Variants in NPAS3 observed in about 807,000 individuals in gnomAD.
NPAS3 encodes the protein neuronal PAS domain-containing protein 3.
In NPAS3, 14 loss-of-function variants were observed where a neutral mutation model predicts 73.1. The ratio of observed to expected loss-of-function variants is 0.19; its 90% CI spans 0.13 to 0.30. The LOEUF (loss-of-function observed/expected upper bound fraction) is 0.30, where lower values mean the gene tolerates loss of function less well. Among genes scored for constraint, NPAS3 ranks in the 10% least tolerant of loss-of-function variants. The probability of loss-of-function intolerance (pLI) is 1.00; values close to 1 mark genes in which losing one functional copy is unlikely to be tolerated. For synonymous variants in NPAS3, 620 were observed against 541.5 expected, an observed-to-expected ratio of 1.14 and a Z score of -2.01; for missense variants, 1,096 against 1,250.0, an observed-to-expected ratio of 0.88 and a Z score of 1.86.
At chr14:33,359,617 C>T (rs1289622946) in intron 3 of NPAS3, among the ~76,000 whole-genome samples, 2 of 152,160 alleles carry the variant, frequency 1.3e-5, no homozygotes, top group Non-Finnish European at 2.9e-5. Context: ...ATCCTTTCCC[C>T]TCTTGAGAGA....
chr14:33,579,981 G>A (rs1302217592), intron 5 of NPAS3, among the ~76,000 whole-genome samples: 8 of 152,098 alleles, frequency 5.3e-5, no homozygotes, highest in Admixed American at 5.2e-4. Context: ...CCAATTTGAA[G>A]TTACATTTAC....
chr14:32,946,344 ACGCG>A (rs1160316544), intron 1 of NPAS3, among the ~76,000 whole-genome samples: 3 of 107,814 alleles, frequency 2.8e-5, no homozygotes, highest in Admixed American at 1.1e-4. Flanking sequence ...ACACACACAC[ACGCG>A]CACACACACA....
chr14:33,440,465 AG>A (rs1421954603), intron 4 of NPAS3, among the ~76,000 whole-genome samples: 1 of 152,252 alleles, frequency 6.6e-6, no homozygotes, highest in Non-Finnish European at 1.5e-5. Context: ...AGTATGATTC[AG>A]GGTAATGCCA....
Position 33,086,413 on chromosome 14 carries a change from A to G in NPAS3, c.140+30419A>G, listed in dbSNP as rs577800740. Among the ~76,000 whole-genome samples, 49 of 152,280 alleles carry G rather than the reference A, an allele frequency of 3.2e-4. No individual in the cohort carries two copies. In the South Asian group the frequency reaches 9.7e-3, roughly 30 times the overall value. On this transcript the variant is annotated intron_variant, in intron 2 of 11. Transcript: ENST00000356141. Reference sequence around the variant, plus strand: ...TATATAAGATTATTTGCTTAATGATATTAGTATTGCAGAGGGACCCCTTGT... The same window carrying G: ...TATATAAGATTATTTGCTTAATGATGTTAGTATTGCAGAGGGACCCCTTGT...
chr14:33,380,890 G>T (rs1050497261), intron 4 of NPAS3, among the ~76,000 whole-genome samples: 2 of 152,054 alleles, frequency 1.3e-5, no homozygotes, highest in African/African-American at 4.8e-5. Flanking sequence ...AATGCCCTCT[G>T]AAGTAATCTA....
chr14:33,262,637 C>T (rs1046965557), intron 3 of NPAS3, among the ~76,000 whole-genome samples: 2 of 152,038 alleles, frequency 1.3e-5, no homozygotes, highest in African/African-American at 2.4e-5. Context: ...GTAGATTCAT[C>T]AACTCAACAA....
intron 3 of NPAS3, among the ~76,000 whole-genome samples, chr14:33,260,553 T>C (rs2048938084): frequency 6.6e-6 from 1 of 152,192 alleles, no homozygotes; most frequent in African/African-American, 2.4e-5. Flanking sequence ...ACTTTTTCAA[T>C]CACCTGGGCT....
At position 33,718,873 on chromosome 14, in the gene NPAS3, G is replaced by T. The variant is rs566938656; in HGVS notation, c.734-16341G>T. ...AGGTACGGTGGCTCACACCTGTAAT[G>T]ACAGCACTTTGGGAAGCCAAGGCAG... On this transcript the variant is annotated intron_variant, in intron 6 of 11. Coordinates refer to ENST00000356141, the Ensembl canonical transcript of NPAS3. 2.6e-5 allele frequency among the ~76,000 whole-genome samples: 4 copies of T among 152,162 alleles called. No individual in the cohort carries two copies. In the South Asian group the frequency reaches 8.3e-4, roughly 32 times the overall value.
chr14:33,290,510 T>C (rs2042057906), intron 3 of NPAS3, among the ~76,000 whole-genome samples: 1 of 152,220 alleles, frequency 6.6e-6, no homozygotes, highest in Non-Finnish European at 1.5e-5. Flanking sequence ...TAAATGGACA[T>C]GTGCTTAATG....
chr14:33,415,760 T>G (rs1005991282), intron 4 of NPAS3, among the ~76,000 whole-genome samples: 1 of 152,158 alleles, frequency 6.6e-6, no homozygotes, highest in African/African-American at 2.4e-5. Flanking sequence ...TGACTCTGCC[T>G]GTTTCTATTC....
intron 4 of NPAS3, among the ~76,000 whole-genome samples, chr14:33,430,858 G>GA (rs1234010853): frequency 6.6e-6 from 1 of 152,208 alleles, no homozygotes; most frequent in Non-Finnish European, 1.5e-5. Flanking sequence ...ACTGCCCAGA[G>GA]AAGCTGAGGG....
intron 3 of NPAS3, among the ~76,000 whole-genome samples, chr14:33,278,097 T>C (rs1794173264): frequency 6.6e-6 from 1 of 152,134 alleles, no homozygotes; most frequent in South Asian, 2.1e-4. Flanking sequence ...TGGATGTGGA[T>C]TTGAGAGACA....
intron 5 of NPAS3, among the ~76,000 whole-genome samples, chr14:33,616,302 G>A (rs1375785281): frequency 5.9e-5 from 9 of 152,170 alleles, no homozygotes; most frequent in African/African-American, 2.2e-4. Flanking sequence ...ATGGAACAGA[G>A]TTACACTAGT....
intron 5 of NPAS3, among the ~76,000 whole-genome samples, chr14:33,663,744 G>T (rs187884049): frequency 6.6e-6 from 1 of 152,234 alleles, no homozygotes; most frequent in African/African-American, 2.4e-5. Flanking sequence ...TCTATTCAGG[G>T]ATTCTACTTC....
chr14:33,769,877 A>G (rs1247909325), intron 7 of NPAS3, among the ~76,000 whole-genome samples: 1 of 144,668 alleles, frequency 6.9e-6, no homozygotes, highest in Non-Finnish European at 1.5e-5. Context: ...CAATCCTCAA[A>G]CCTCAGCCTC....
chr14:33,361,922 T>A lies in NPAS3; in HGVS notation c.386-5264T>A, dbSNP rs148106790. Among the ~76,000 whole-genome samples, 1,182 of 152,272 alleles carry A rather than the reference T, an allele frequency of 7.8e-3. 24 individuals carry two copies. The highest frequency in any genetic ancestry group is 0.027 in the African/African-American group (1,142 of 41,560). On this transcript the variant is annotated intron_variant, in intron 3 of 11. Coordinates refer to ENST00000356141, the Ensembl canonical transcript of NPAS3. Reference sequence around the variant, plus strand: ...GCGTGTCCCTATTTCTCTTCTACAGTCATCATTTATCCTATATTTTAATAC... The same window carrying A: ...GCGTGTCCCTATTTCTCTTCTACAGACATCATTTATCCTATATTTTAATAC...
chr14:33,048,894 A>G (rs1256542774), intron 1 of NPAS3, among the ~76,000 whole-genome samples: 1 of 152,206 alleles, frequency 6.6e-6, no homozygotes. Flanking sequence ...ATTCAGCATG[A>G]AGGAAGATGA....
At chr14:33,040,658 A>C (rs1250342751) in intron 1 of NPAS3, among the ~76,000 whole-genome samples, 1 of 152,124 alleles carries the variant, frequency 6.6e-6, no homozygotes, top group Non-Finnish European at 1.5e-5. Flanking sequence ...GGAATCATGG[A>C]GGGAAGCAAT....
chr14:32,948,282 A>G (rs1308752650), intron 1 of NPAS3, among the ~76,000 whole-genome samples: 2 of 152,108 alleles, frequency 1.3e-5, no homozygotes, highest in Non-Finnish European at 2.9e-5. Flanking sequence ...GTTGTCCAAA[A>G]ATGGTTTTAT....
Sources: gnomAD v4.1 joint callset for allele counts (sites outside exome capture counted in the v4.1 genomes callset) on GRCh38, gnomAD v4.1.1 for gene constraint, MANE v1.5 for transcripts, NCBI Gene and HGNC (gene_info 2026-07-23, HGNC 2026-07-21) for gene names.